The following TRDN variants were observed in gnomAD, a reference collection of about 807,000 sequenced individuals.
TRDN encodes the protein triadin.
TRDN carries 161 observed loss-of-function variants against 149.7 expected under a neutral mutation model. The ratio of observed to expected loss-of-function variants is 1.08; its 90% confidence interval spans 0.95 to 1.23. TRDN has a LOEUF of 1.23. TRDN is among the 50% of genes most tolerant of loss of function. The pLI is 0.00. For synonymous variants in TRDN, 294 were observed against 250.5 expected, an observed-to-expected ratio of 1.17 and a Z score of -1.64; for missense variants, 896 against 823.5, an observed-to-expected ratio of 1.09 and a Z score of -1.08.
intron 10 of TRDN, among the ~76,000 whole-genome samples, chr6:123,453,301 T>C (rs1380414421): frequency 1.3e-5 from 2 of 152,018 alleles, no homozygotes; most frequent in African/African-American, 4.8e-5. Flanking sequence ...AAAGGAACAG[T>C]TGGCAGAGTA....
At chr6:123,351,066 C>A in intron 21 of TRDN, 1 of 984,866 alleles carries the variant, frequency 1.0e-6, no homozygotes, top group Non-Finnish European at 1.2e-6. Flanking sequence ...AGTCAATCTT[C>A]TTTTGATATA....
chr6:123,271,133 AT>A lies in TRDN; in HGVS notation c.1720+5del. On this transcript the variant is annotated splice_donor_5th_base_variant and intron_variant, in intron 30 of 40. Coordinates refer to ENST00000334268, the MANE Select transcript of TRDN (RefSeq NM_006073.4). ...CATAGAAAAAAATATAAAATACCTT[AT>A]TTACCTGTTTTTTCTATTGTGACAG... 6.6e-7 allele frequency: 1 copy of A among 1,519,638 alleles called. No homozygotes were observed. Among genetic ancestry groups the A allele is most frequent in the Admixed American group, 2.1e-5 (1 of 46,570 alleles). The allele number at this position is 1,519,638 out of a possible 1,614,324, so 94.1% of individuals were successfully genotyped here.
At chr6:123,445,929 A>G (rs2114629419) in intron 10 of TRDN, among the ~76,000 whole-genome samples, 1 of 140,554 alleles carries the variant, frequency 7.1e-6, no homozygotes, top group South Asian at 2.2e-4. Context: ...ATAAAGACAC[A>G]TGCACACGTA....
At chr6:123,550,907 TA>T (rs1781349756) in intron 2 of TRDN, among the ~76,000 whole-genome samples, 1 of 151,952 alleles carries the variant, frequency 6.6e-6, no homozygotes, top group Non-Finnish European at 1.5e-5. Flanking sequence ...ATGGTGAGAT[TA>T]AACCTTAGAC....
chr6:123,510,672 C>T (rs78940945), intron 7 of TRDN, among the ~76,000 whole-genome samples: 42,095 of 147,988 alleles, frequency 0.28, 6,661 homozygotes, highest in East Asian at 0.63. Context: ...TTTAGACAGT[C>T]TCACTCTGTT....
At chr6:123,291,733 C>T (rs888298352) in intron 24 of TRDN, among the ~76,000 whole-genome samples, 2 of 152,126 alleles carry the variant, frequency 1.3e-5, no homozygotes, top group African/African-American at 2.4e-5. Context: ...AAACTTTTTA[C>T]AAATGGCCTA....
At chr6:123,322,590 CT>C (rs1779280409) in intron 23 of TRDN, among the ~76,000 whole-genome samples, 1 of 149,938 alleles carries the variant, frequency 6.7e-6, no homozygotes, top group African/African-American at 2.4e-5. Flanking sequence ...CACTTTTCCC[CT>C]GTCCCAGCTC....
At chr6:123,359,633 G>C (rs147287806) in intron 20 of TRDN, among the ~76,000 whole-genome samples, 1 of 152,162 alleles carries the variant, frequency 6.6e-6, no homozygotes, top group Non-Finnish European at 1.5e-5. Flanking sequence ...GAAACAGTAA[G>C]TTGGAAAGAG....
At chr6:123,612,840 T>G (rs887056423) in intron 1 of TRDN, among the ~76,000 whole-genome samples, 1 of 152,190 alleles carries the variant, frequency 6.6e-6, no homozygotes, top group African/African-American at 2.4e-5. Flanking sequence ...AGCATATTCC[T>G]GCCTAGGGAC....
intron 21 of TRDN, among the ~76,000 whole-genome samples, chr6:123,338,478 A>T (rs1262341395): frequency 2.0e-5 from 3 of 152,140 alleles, no homozygotes; most frequent in Non-Finnish European, 2.9e-5. Flanking sequence ...GAGTAATCTA[A>T]TTAACACCAC....
chr6:123,581,439 A>G (rs1297836981), intron 1 of TRDN, among the ~76,000 whole-genome samples: 1 of 152,206 alleles, frequency 6.6e-6, no homozygotes, highest in African/African-American at 2.4e-5. Flanking sequence ...AGCACTTAGC[A>G]TAGCACATTT....
chr6:123,304,291 T>C (rs997811554), intron 24 of TRDN, among the ~76,000 whole-genome samples: 3 of 148,896 alleles, frequency 2.0e-5, no homozygotes, highest in African/African-American at 7.4e-5. Flanking sequence ...TCTTGCTCTG[T>C]TGCCAGACTG....
intron 12 of TRDN, among the ~76,000 whole-genome samples, chr6:123,433,626 T>C (rs1425438585): frequency 6.6e-6 from 1 of 152,120 alleles, no homozygotes; most frequent in African/African-American, 2.4e-5. Context: ...TATAGTTCTA[T>C]ACAGATAATT....
Position 123,541,201 on chromosome 6 carries a change from G to T in TRDN, c.424+6139C>A, listed in dbSNP as rs145144303. Among the ~76,000 whole-genome samples, 28 of 152,166 alleles carry T rather than the reference G, an allele frequency of 1.8e-4. 2 individuals are homozygous for T. The highest frequency in any genetic ancestry group is 6.5e-4 in the African/African-American group (27 of 41,522). On this transcript the variant is annotated intron_variant, in intron 4 of 40. Transcript: ENST00000334268. ...CCAGAAGAACTACATAAAATGGTTG[G>T]GCCTGAGTTGAGTTGCCTCAGAGAC... is the stretch of plus-strand genomic sequence containing the variant.
intron 33 of TRDN, among the ~76,000 whole-genome samples, chr6:123,261,648 T>TGTAA (rs978169720): frequency 3.3e-5 from 5 of 151,842 alleles, no homozygotes; most frequent in Admixed American, 2.6e-4. Context: ...CAGTCTTACA[T>TGTAA]AACTATTTTG....
intron 1 of TRDN, among the ~76,000 whole-genome samples, chr6:123,625,308 T>C (rs956724219): frequency 3.9e-5 from 6 of 152,164 alleles, no homozygotes; most frequent in Non-Finnish European, 8.8e-5. Context: ...ACCTTGGAGA[T>C]ACCATGCAAT....
intron 8 of TRDN, chr6:123,498,727 G>A: frequency 2.5e-6 from 1 of 404,646 alleles, no homozygotes; most frequent in Non-Finnish European, 5.2e-6. Context: ...GAACAAAACT[G>A]TAGAACTGGC....
intron 5 of TRDN, among the ~76,000 whole-genome samples, chr6:123,524,557 A>G (rs1779850366): frequency 6.6e-6 from 1 of 152,114 alleles, no homozygotes; most frequent in Non-Finnish European, 1.5e-5. Context: ...ATGGCACTAC[A>G]TTGGCCATAC....
chr6:123,317,150 C>A (rs1779055497), intron 23 of TRDN, among the ~76,000 whole-genome samples: 1 of 151,822 alleles, frequency 6.6e-6, no homozygotes, highest in African/African-American at 2.4e-5. Context: ...TCAAGTAATA[C>A]TCATAGCACA....
Sources: gnomAD v4.1 joint callset for allele counts (sites outside exome capture counted in the v4.1 genomes callset) on GRCh38, gnomAD v4.1.1 for gene constraint, MANE v1.5 for transcripts, NCBI Gene and HGNC (gene_info 2026-07-23, HGNC 2026-07-21) for gene names.